AP3D1: variants seen among roughly 807,000 people sequenced by gnomAD.
AP3D1 encodes the protein AP-3 complex subunit delta-1.
A neutral mutation model predicts 147.6 loss-of-function variants in AP3D1; 51 were observed. The ratio of observed to expected loss-of-function variants is 0.35; its 90% CI spans 0.28 to 0.44. The LOEUF (loss-of-function observed/expected upper bound fraction) is 0.44, where lower values mean the gene tolerates loss of function less well. Among genes scored for constraint, AP3D1 ranks in the 20% least tolerant of loss-of-function variants. The pLI is 1.00. For synonymous variants in AP3D1, 760 were observed against 663.0 expected (o/e 1.15, Z -2.25); for missense variants, 1,421 against 1,624.2 (o/e 0.87, Z 2.15).
intron 1 of AP3D1, among the ~76,000 whole-genome samples, chr19:2,147,609 T>C (rs1599497012): frequency 6.7e-6 from 1 of 149,568 alleles, no homozygotes; most frequent in South Asian, 2.1e-4. Context: ...AGAAAAAGAA[T>C]ATATGGGCTG....
intron 15 of AP3D1, among the ~76,000 whole-genome samples, chr19:2,118,021 G>C (rs1412445742): frequency 2.0e-5 from 3 of 152,166 alleles, no homozygotes; most frequent in South Asian, 2.1e-4. Context: ...TTAGCCGGGC[G>C]TGGTGGCGGG....
chr19:2,137,849 CAGAG>C (rs1251661729), intron 2 of AP3D1, 42 bp from the exon 3 acceptor site: 3 of 1,597,802 alleles, frequency 1.9e-6, no homozygotes, highest in African/African-American at 2.7e-5. Context: ...CAAGCCAAAG[CAGAG>C]AGAAAGGTTT....
chr19:2,102,419 C>A, intron 31 of AP3D1, 151 bp from the exon 32 acceptor site: 1 of 641,734 alleles, frequency 1.6e-6, no homozygotes, highest in Non-Finnish European at 2.7e-6. Context: ...CACGGTGAAA[C>A]CCTGTCTCTA....
rs868239860 is a variant in AP3D1 at position 2,151,541 on chromosome 19, T to G, written c.-207A>C. 2.2e-3 allele frequency: 364 copies of G among 163,250 alleles called. 1 individual carries two copies. Among genetic ancestry groups the G allele is most frequent in the African/African-American group, 8.3e-3 (347 of 41,704 alleles). 10.1% of individuals were successfully genotyped at this position (163,250 alleles called of 1,614,324 possible). On this transcript the variant is annotated 5_prime_UTR_variant, in exon 1 of 32. Transcript: ENST00000643116. ...GTGCCGCGATCCCGCTCCGGGCCCC[T>G]TGCAAATGGCGGACAAGATGGCGGC...
rs7255038 is a variant in AP3D1, at chr19:2,131,791, G to C, written c.462+680C>G. On this transcript the variant is annotated intron_variant, in intron 5 of 31. Transcript: ENST00000643116. ...GCGGACAGGCAGCCACACGGGGACC[G>C]CGCCCATCGGCCACGATCTAGACAC... 1.2e-4 allele frequency among the ~76,000 whole-genome samples: 6 copies of C among 51,088 alleles called. 1 individual carries two copies. The highest frequency in any genetic ancestry group is 0.024 in the Middle Eastern group (2 of 84). The allele number at this position is 51,088 out of a possible 152,430, so 33.5% of individuals were successfully genotyped here.
Position 2,151,426 on chromosome 19 carries a change from C to T in AP3D1, c.-92G>A, listed in dbSNP as rs2019509005. On this transcript the variant is annotated 5_prime_UTR_variant, in exon 1 of 32. Coordinates refer to ENST00000643116, the MANE Select transcript of AP3D1 (RefSeq NM_001261826.3). ...CGTGCCTGCCGCCCGCGGAGCGCCG[C>T]GCTGCCGGCCGCTGCGGCGGGGCAA... 3.9e-6 allele frequency: 3 copies of T among 761,960 alleles called. No homozygotes were observed. Among genetic ancestry groups the T allele is most frequent in the East Asian group, 1.9e-4 (2 of 10,652 alleles). The allele number at this position is 761,960 out of a possible 1,614,324, so 47.2% of individuals were successfully genotyped here. A position where few individuals can be genotyped will look rare whatever the true frequency, so the allele number is the denominator to read the frequency against.
rs893032434 is a variant in AP3D1, at chr19:2,102,090, C to T, written c.*83G>A. 5 of 1,093,770 alleles carry T rather than the reference C, an allele frequency of 4.6e-6. No individual in the cohort carries two copies. The highest frequency in any genetic ancestry group is 3.1e-5 in the African/African-American group (2 of 64,774). The allele number at this position is 1,093,770 out of a possible 1,614,324, so 67.8% of individuals were successfully genotyped here. A position where few individuals can be genotyped will look rare whatever the true frequency, so the allele number is the denominator to read the frequency against. ...CACTCAGGCTTGGGTACAGTACACACGACTGAGGAGAGGCGAGACACGTCA... is the reference window on the plus strand; with the variant it reads ...CACTCAGGCTTGGGTACAGTACACATGACTGAGGAGAGGCGAGACACGTCA... On this transcript the variant is annotated 3_prime_UTR_variant, in exon 32 of 32. Transcript: ENST00000643116.
rs1201110917 is a variant in AP3D1 at position 2,138,606 on chromosome 19, G to T, written c.192+13C>A. On this transcript the variant is annotated intron_variant, in intron 2 of 31. Coordinates refer to ENST00000643116, the MANE Select transcript of AP3D1 (RefSeq NM_001261826.3). ...CCGACAGTGCTGGGCGCTGGCCACTGGGAGGCACTTACATACGTCAGCTTG... is the reference window on the plus strand; with the variant it reads ...CCGACAGTGCTGGGCGCTGGCCACTTGGAGGCACTTACATACGTCAGCTTG... 3.7e-6 allele frequency: 6 copies of T among 1,609,204 alleles called. No individual in the cohort carries two copies. Among genetic ancestry groups the T allele is most frequent in the Non-Finnish European group, 5.1e-6 (6 of 1,176,076 alleles).
chr19:2,160,668 T>C (rs1000813118), intron 1 of AP3D1, among the ~76,000 whole-genome samples: 1 of 152,160 alleles, frequency 6.6e-6, no homozygotes, highest in South Asian at 2.1e-4. Flanking sequence ...TTAGCCCGGA[T>C]AACCTGTACT....
At chr19:2,137,945 A>AC (rs2145138036) in intron 2 of AP3D1, 138 bp from the exon 3 acceptor site, 2 of 491,296 alleles carry the variant, frequency 4.1e-6, no homozygotes, top group South Asian at 4.8e-5. Flanking sequence ...CCCAATACGT[A>AC]CCCCTGGGGC....
intron 1 of AP3D1, among the ~76,000 whole-genome samples, chr19:2,157,441 C>CAAA (rs137939397): frequency 7.9e-5 from 8 of 101,118 alleles, no homozygotes; most frequent in East Asian, 3.2e-4. Context: ...GACTCCGTCT[C>CAAA]AAAAAAAAAA....
intron 4 of AP3D1, among the ~76,000 whole-genome samples, chr19:2,136,081 C>T (rs1473017730): frequency 1.3e-5 from 2 of 151,948 alleles, no homozygotes; most frequent in African/African-American, 2.4e-5. Context: ...AGAAGACTCC[C>T]GCCCAGGTCC....
intron 31 of AP3D1, 45 bp downstream of exon 31, chr19:2,108,642 G>T: frequency 6.5e-7 from 1 of 1,536,162 alleles, no homozygotes; most frequent in Non-Finnish European, 8.8e-7. Context: ...ATGACCCCAG[G>T]AGAGGTGGCA....
intron 4 of AP3D1, chr19:2,133,386 A>G (rs1022163359): frequency 1.3e-5 from 2 of 152,312 alleles, no homozygotes; most frequent in Admixed American, 6.5e-5. Flanking sequence ...TCCTCTCTTG[A>G]TATCACAAAC....
At chr19:2,141,939 T>C (rs1277100822) in intron 1 of AP3D1, among the ~76,000 whole-genome samples, 5 of 149,754 alleles carry the variant, frequency 3.3e-5, no homozygotes, top group South Asian at 2.1e-4. Context: ...TATATATTTA[T>C]ATATATTTAT....
At chr19:2,148,317 C>T (rs1039987729) in intron 1 of AP3D1, among the ~76,000 whole-genome samples, 5 of 152,178 alleles carry the variant, frequency 3.3e-5, no homozygotes, top group African/African-American at 1.2e-4. Flanking sequence ...CATGAGACCA[C>T]TACTTCTCAC....
At chr19:2,127,246 C>G in intron 8 of AP3D1, 45 bp from the exon 9 acceptor site, 1 of 1,602,418 alleles carries the variant, frequency 6.2e-7, no homozygotes, top group Non-Finnish European at 8.5e-7. Flanking sequence ...CTGGGGGCCT[C>G]GTCAGATGCA....
At chr19:2,148,620 C>T (rs2019425060) in intron 1 of AP3D1, among the ~76,000 whole-genome samples, 1 of 152,250 alleles carries the variant, frequency 6.6e-6, no homozygotes, top group African/African-American at 2.4e-5. Flanking sequence ...CCGCATCATC[C>T]AGCAAGGAGG....
chr19:2,112,798 C>G, intron 24 of AP3D1, 62 bp downstream of exon 24: 1 of 1,384,792 alleles, frequency 7.2e-7, no homozygotes, highest in Non-Finnish European at 9.9e-7. Context: ...GTGTCCGGCC[C>G]CACGTTGGGG....
Sources: allele counts gnomAD v4.1 joint callset (sites outside exome capture counted in the v4.1 genomes callset), GRCh38; gene constraint gnomAD v4.1.1; transcripts MANE v1.5; gene names NCBI Gene and HGNC (gene_info 2026-07-23, HGNC 2026-07-21).